Variants in ASXL3 observed in about 807,000 individuals in gnomAD.
ASXL3 encodes putative Polycomb group protein ASXL3.
Under a neutral mutation model 170.6 loss-of-function variants are expected in ASXL3, and 34 were observed. That is an observed-to-expected ratio of 0.20 (90% CI 0.15 to 0.27). The LOEUF (loss-of-function observed/expected upper bound fraction) is 0.27. ASXL3 is among the 10% of genes least tolerant of loss of function. The pLI, the probability that ASXL3 is intolerant of heterozygous loss-of-function variation, is 1.00. For missense variants in ASXL3, 2,592 were observed against 2,695.3 expected (o/e 0.96, Z 0.85); for synonymous variants, 1,002 against 989.1 (o/e 1.01, Z -0.24).
chr18:33,653,476 G>T (rs2066033349), intron 4 of ASXL3, among the ~76,000 whole-genome samples: 1 of 152,072 alleles, frequency 6.6e-6, no homozygotes, highest in Non-Finnish European at 1.5e-5. Flanking sequence ...AAGTATGTGA[G>T]AATTATGTTG....
chr18:33,694,474 T>A (rs2066739643), intron 8 of ASXL3, among the ~76,000 whole-genome samples: 1 of 152,150 alleles, frequency 6.6e-6, no homozygotes, highest in South Asian at 2.1e-4. Flanking sequence ...TTGTCATTTC[T>A]GTCATCGATA....
At chr18:33,677,486 A>G (rs893983374) in intron 7 of ASXL3, among the ~76,000 whole-genome samples, 20 of 152,326 alleles carry the variant, frequency 1.3e-4, no homozygotes, top group Middle Eastern at 3.4e-3. Context: ...ATATATTTAT[A>G]TCTAAAAGTT....
chr18:33,743,459 A>C lies in ASXL3; in HGVS notation c.3611A>C (p.Asp1204Ala). Reference sequence around the variant, plus strand: ...ACTGACTTATCTGTGCATAGTTCTGATGAAAACATACCTGTGTCACATTTA... The same window carrying C: ...ACTGACTTATCTGTGCATAGTTCTGCTGAAAACATACCTGTGTCACATTTA... ...TATDLSVHSS[D>A]ENIPVSHLSE... Residue 1204 changes from aspartate (D) to alanine (A), a missense_variant, in exon 12 of 12, where the codon GAT becomes GCT. Around this residue, in one of 4 missense-constraint regions of ASXL3, gnomAD observed 2,246 missense variants for 2,219.6 expected, o/e 1.01. Coordinates refer to ENST00000269197, the MANE Select transcript of ASXL3 (RefSeq NM_030632.3). 6.2e-7 allele frequency: 1 copy of C among 1,613,582 alleles called. No homozygotes were observed. The highest frequency in any genetic ancestry group is 8.5e-7 in the Non-Finnish European group (1 of 1,179,884).
intron 11 of ASXL3, among the ~76,000 whole-genome samples, chr18:33,741,194 A>AT (rs1375754845): frequency 6.6e-6 from 1 of 152,218 alleles, no homozygotes; most frequent in Non-Finnish European, 1.5e-5. Context: ...AAATAATAAT[A>AT]TAAACTTTCC....
intron 5 of ASXL3, among the ~76,000 whole-genome samples, chr18:33,664,571 G>T (rs1455354533): frequency 6.6e-6 from 1 of 152,136 alleles, no homozygotes; most frequent in Admixed American, 6.6e-5. Context: ...GAAATAAGTA[G>T]ATTTAAAAAA....
intron 4 of ASXL3, among the ~76,000 whole-genome samples, chr18:33,654,220 G>A (rs953327416): frequency 5.3e-5 from 8 of 151,976 alleles, no homozygotes; most frequent in Non-Finnish European, 7.4e-5. Context: ...TAAAGATTGA[G>A]AACAGAATAT....
chr18:33,682,587 C>T (rs951791793), intron 7 of ASXL3, among the ~76,000 whole-genome samples: 1 of 152,086 alleles, frequency 6.6e-6, no homozygotes, highest in Non-Finnish European at 1.5e-5. Flanking sequence ...TTCACTCTGT[C>T]ACTGAGGCTG....
chr18:33,693,249 G>T (rs9950783), intron 8 of ASXL3, among the ~76,000 whole-genome samples: 2,855 of 152,132 alleles, frequency 0.019, 97 homozygotes, highest in African/African-American at 0.066. Context: ...CAAAAGATTG[G>T]TAAGTTTTTA....
rs2064965414 is a variant in ASXL3, at chr18:33,578,583, C to T, written c.-49C>T. On this transcript the variant is annotated 5_prime_UTR_variant, in exon 1 of 12. Coordinates refer to ENST00000269197, the MANE Select transcript of ASXL3 (RefSeq NM_030632.3). The stretch of plus-strand genomic sequence containing the variant: ...GTCTCCGCGCCCGAACCCCGAGCAC[C>T]CCGTGGAATCCCCCACGTCATCATC... The T allele has an allele frequency of 8.4e-7, 1 of 1,186,182 alleles. No individual in the cohort carries two copies. The highest frequency in any genetic ancestry group is 1.1e-6 in the Non-Finnish European group (1 of 915,380). 73.5% of individuals were successfully genotyped at this position (1,186,182 alleles called of 1,614,324 possible). A position where few individuals can be genotyped will look rare whatever the true frequency, so the allele number is the denominator to read the frequency against.
At chr18:33,737,940 A>T (rs1004177004) in intron 10 of ASXL3, among the ~76,000 whole-genome samples, 7 of 152,098 alleles carry the variant, frequency 4.6e-5, no homozygotes, top group Non-Finnish European at 7.4e-5. Context: ...AGATTTAAAA[A>T]ATATATATTT....
chr18:33,605,426 G>C (rs1052814263), intron 1 of ASXL3: 2 of 152,106 alleles, frequency 1.3e-5, no homozygotes. Context: ...TCTGTTCTCT[G>C]TCTTGCAGGA....
At chr18:33,606,374 G>C (rs139550876) in intron 1 of ASXL3, among the ~76,000 whole-genome samples, 1 of 151,888 alleles carries the variant, frequency 6.6e-6, no homozygotes, top group Non-Finnish European at 1.5e-5. Context: ...TTGGGAAAAA[G>C]GAGGAAATTT....
chr18:33,626,599 A>G (rs1287733024), intron 2 of ASXL3: 1 of 151,578 alleles, frequency 6.6e-6, no homozygotes, highest in Non-Finnish European at 1.5e-5. Flanking sequence ...GGAAACCAAT[A>G]TTGTGTTTTC....
At chr18:33,679,175 C>T (rs2066476652) in intron 7 of ASXL3, among the ~76,000 whole-genome samples, 2 of 152,072 alleles carry the variant, frequency 1.3e-5, no homozygotes, top group African/African-American at 4.8e-5. Flanking sequence ...AATATTTATG[C>T]CATATAATAA....
At chr18:33,588,537 C>T (rs2065052589) in intron 1 of ASXL3, among the ~76,000 whole-genome samples, 1 of 152,036 alleles carries the variant, frequency 6.6e-6, no homozygotes, top group Admixed American at 6.6e-5. Context: ...CAGTAATAGT[C>T]ACCACCATGA....
chr18:33,612,470 C>T (rs2145133715), intron 2 of ASXL3, among the ~76,000 whole-genome samples: 1 of 152,122 alleles, frequency 6.6e-6, no homozygotes, highest in South Asian at 2.1e-4. Context: ...GCATTGACAT[C>T]CCAGATTTTG....
intron 8 of ASXL3, among the ~76,000 whole-genome samples, chr18:33,721,214 TC>T (rs2067253171): frequency 1.3e-5 from 2 of 152,092 alleles, no homozygotes; most frequent in South Asian, 2.1e-4. Flanking sequence ...ATTGATTATA[TC>T]CTCTGCTGAT....
chr18:33,623,123 A>G (rs920175470), intron 2 of ASXL3, among the ~76,000 whole-genome samples: 3 of 152,192 alleles, frequency 2.0e-5, no homozygotes, highest in Non-Finnish European at 2.9e-5. Flanking sequence ...TTCAAGGCCT[A>G]ATTCAAATGT....
intron 2 of ASXL3, among the ~76,000 whole-genome samples, chr18:33,620,043 A>T (rs1016458653): frequency 6.6e-6 from 1 of 152,146 alleles, no homozygotes; most frequent in African/African-American, 2.4e-5. Context: ...CAGAATCTTT[A>T]TCATGACCAC....
Sources: gnomAD v4.1 joint callset for allele counts (sites outside exome capture counted in the v4.1 genomes callset) on GRCh38, gnomAD v4.1.1 for gene constraint, gnomAD v4.1.1 regional missense constraint, MANE v1.5 for transcripts, NCBI Gene and HGNC (gene_info 2026-07-23, HGNC 2026-07-21) for gene names.